Variants in DNAAF11 observed in about 807,000 individuals in gnomAD.
DNAAF11 encodes the protein dynein axonemal assembly factor 11.
DNAAF11 carries 45 observed loss-of-function variants against 60.8 expected under a neutral mutation model. That is an observed-to-expected ratio of 0.74 (90% CI 0.58 to 0.95). DNAAF11 has a LOEUF of 0.95. DNAAF11 is among the 40% of genes least tolerant of loss of function. DNAAF11 has a pLI of 0.00. For missense variants in DNAAF11, 546 were observed against 546.2 expected (o/e 1.00, Z 0.00); for synonymous variants, 191 against 183.5 (o/e 1.04, Z -0.33).
intron 2 of DNAAF11, among the ~76,000 whole-genome samples, chr8:132,659,388 T>G (rs1053617570): frequency 2.0e-5 from 3 of 152,006 alleles, no homozygotes; most frequent in Admixed American, 6.6e-5. Context: ...TTTAAAAGAG[T>G]GTTTAATTTA....
At chr8:132,671,373 C>T (rs1825173957) in intron 1 of DNAAF11, among the ~76,000 whole-genome samples, 1 of 152,132 alleles carries the variant, frequency 6.6e-6, no homozygotes, top group African/African-American at 2.4e-5. Context: ...ATATTGTAGA[C>T]ATTTTGTAAT....
intron 2 of DNAAF11, among the ~76,000 whole-genome samples, chr8:132,660,151 C>T (rs1823990521): frequency 6.6e-6 from 1 of 152,152 alleles, no homozygotes; most frequent in Admixed American, 6.5e-5. Flanking sequence ...ATTTGGCTAG[C>T]CTGGGGCACA....
chr8:132,602,744 A>AATAT (rs35316805), intron 10 of DNAAF11, among the ~76,000 whole-genome samples: 788 of 141,846 alleles, frequency 5.6e-3, no homozygotes, highest in Middle Eastern at 0.015. Context: ...CTTAATTTGA[A>AATAT]ATATATATAT....
Position 132,675,539 on chromosome 8 carries a change from G to C in DNAAF11, c.-46C>G. 4.5e-6 allele frequency: 7 copies of C among 1,551,734 alleles called. No homozygotes were observed. The highest frequency in any genetic ancestry group is 5.2e-6 in the Non-Finnish European group (6 of 1,143,814). ...ACCCCGCAAGCCGGACCCGGACCTC[G>C]AATGACGCTTTTCACCCTTCACCCC... On this transcript the variant is annotated 5_prime_UTR_variant, in exon 1 of 12. Transcript: ENST00000620350.
At chr8:132,622,518 C>A (rs1819860542) in intron 7 of DNAAF11, 93 bp downstream of exon 7, 1 of 911,492 alleles carries the variant, frequency 1.1e-6, no homozygotes, top group African/African-American at 1.7e-5. Flanking sequence ...CAGAAATATT[C>A]TTTGCAGAGC....
chr8:132,681,596 T>C, the DNAAF11 span, among the ~76,000 whole-genome samples: 1 of 152,090 alleles, frequency 6.6e-6, no homozygotes, highest in Non-Finnish European at 1.5e-5. Context: ...ACTGGAAAAT[T>C]CCAGTGCTTT....
At chr8:132,613,184 G>A (rs1278659895) in intron 8 of DNAAF11, among the ~76,000 whole-genome samples, 2 of 152,214 alleles carry the variant, frequency 1.3e-5, no homozygotes, top group African/African-American at 4.8e-5. Flanking sequence ...ATTCTGTGGA[G>A]AGGCACACAG....
At chr8:132,581,468 T>G (rs753483802) in intron 11 of DNAAF11, among the ~76,000 whole-genome samples, 5 of 151,534 alleles carry the variant, frequency 3.3e-5, no homozygotes, top group Non-Finnish European at 5.9e-5. Flanking sequence ...TGGCCAACAT[T>G]GTGAAACCCT....
chr8:132,678,351 A>G (rs568823738), upstream of DNAAF11, among the ~76,000 whole-genome samples: 6 of 152,344 alleles, frequency 3.9e-5, no homozygotes, highest in South Asian at 1.2e-3. Context: ...ATGTACAACC[A>G]ATAACTAATC....
chr8:132,668,581 G>A (rs1335333271), intron 1 of DNAAF11, among the ~76,000 whole-genome samples: 1 of 152,058 alleles, frequency 6.6e-6, no homozygotes, highest in East Asian at 1.9e-4. Context: ...TGGGACTACA[G>A]GCACCTGCCA....
chr8:132,658,227 A>G lies in DNAAF11; in HGVS notation c.179-1320T>C, dbSNP rs74598369. ...GGATTTGGGGGAAAAAATTACAAAC[A>G]TTTCTCTCAGAATTTAAATTATTCT... On this transcript the variant is annotated intron_variant, in intron 2 of 11. Transcript: ENST00000620350. Among the ~76,000 whole-genome samples the G allele has an allele frequency of 4.1e-3, 629 of 152,304 alleles. 10 individuals are homozygous for G. Among genetic ancestry groups the G allele is most frequent in the African/African-American group, 0.014 (593 of 41,562 alleles).
At chr8:132,625,646 G>A (rs947363431) in intron 5 of DNAAF11, among the ~76,000 whole-genome samples, 192 bp from the exon 6 acceptor site, 1 of 152,142 alleles carries the variant, frequency 6.6e-6, no homozygotes. Context: ...ACCCAAGGCT[G>A]TTAGCACTCA....
At chr8:132,576,889 G>C (rs1466403862) in intron 11 of DNAAF11, among the ~76,000 whole-genome samples, 1 of 152,152 alleles carries the variant, frequency 6.6e-6, no homozygotes, top group East Asian at 1.9e-4. Context: ...GAAGGGAGAG[G>C]GGCAGGGGTC....
intron 1 of DNAAF11, among the ~76,000 whole-genome samples, chr8:132,674,146 A>AG (rs1563726071): frequency 7.9e-6 from 1 of 126,214 alleles, no homozygotes; most frequent in African/African-American, 2.9e-5. Flanking sequence ...AAGGAGGAGG[A>AG]AGAGGAGGAG....
chr8:132,634,877 T>C (rs1168715668), intron 4 of DNAAF11, among the ~76,000 whole-genome samples: 1 of 151,568 alleles, frequency 6.6e-6, no homozygotes, highest in Non-Finnish European at 1.5e-5. Context: ...AACTAGGATT[T>C]CTTCCCAACA....
chr8:132,581,938 G>A (rs1017544182), intron 11 of DNAAF11, among the ~76,000 whole-genome samples: 37 of 152,292 alleles, frequency 2.4e-4, no homozygotes, highest in Non-Finnish European at 4.9e-4. Flanking sequence ...GACCACAAGA[G>A]GTCACTGATG....
At chr8:132,585,700 A>C (rs1382603139) in intron 10 of DNAAF11, among the ~76,000 whole-genome samples, 2 of 152,204 alleles carry the variant, frequency 1.3e-5, no homozygotes, top group African/African-American at 4.8e-5. Flanking sequence ...TTACTTCTTC[A>C]ATAGAAGGTG....
intron 10 of DNAAF11, among the ~76,000 whole-genome samples, chr8:132,608,835 T>C (rs2357515): frequency 0.076 from 11,636 of 152,212 alleles, 1,197 homozygotes; most frequent in African/African-American, 0.24. Flanking sequence ...ATTTTATTAC[T>C]TGACAACAAA....
In DNAAF11 at chr8:132,622,716, T is replaced by C. The variant is rs371247183; in HGVS notation, c.837-28A>G. 19 of 1,438,796 alleles carry C rather than the reference T, an allele frequency of 1.3e-5. No homozygotes were observed. In the Admixed American group the frequency reaches 3.0e-4, roughly 23 times the overall value. The allele number at this position is 1,438,796 out of a possible 1,614,324, so 89.1% of individuals were successfully genotyped here. On this transcript the variant is annotated intron_variant, in intron 6 of 11. Coordinates refer to ENST00000620350, the MANE Select transcript of DNAAF11 (RefSeq NM_012472.6). ...TAAGATTGGTGGTGGATGAGAACAA[T>C]GGGCAGCATGGAAAGAAAAAACAAG...
Sources: gnomAD v4.1 joint callset for allele counts (sites outside exome capture counted in the v4.1 genomes callset) on GRCh38, gnomAD v4.1.1 for gene constraint, MANE v1.5 for transcripts, NCBI Gene and HGNC (gene_info 2026-07-23, HGNC 2026-07-21) for gene names.